RGS7BP: variants seen among roughly 807,000 people sequenced by gnomAD.
The protein encoded by RGS7BP is regulator of G protein signaling 7 binding protein, also known as regulator of G protein signaling 7-binding protein.
A neutral mutation model predicts 31.3 loss-of-function variants in RGS7BP; 9 were observed. The ratio of observed to expected loss-of-function variants is 0.29; its 90% CI spans 0.17 to 0.50. The LOEUF is 0.50. Among genes scored for constraint, RGS7BP ranks in the 20% least tolerant of loss-of-function variants. The probability of loss-of-function intolerance (pLI) is 0.98; values close to 1 mark genes in which losing one functional copy is unlikely to be tolerated. For missense variants in RGS7BP, 274 were observed against 322.0 expected (o/e 0.85, Z 1.14); for synonymous variants, 115 against 120.1 (o/e 0.96, Z 0.28).
intron 5 of RGS7BP, among the ~76,000 whole-genome samples, chr5:64,608,909 G>T (rs147455182): frequency 2.3e-3 from 344 of 152,146 alleles, no homozygotes; most frequent in Non-Finnish European, 3.8e-3. Flanking sequence ...TTTGGTCATA[G>T]CTGGGGATAT....
At chr5:64,520,381 G>T (rs1749076903) in intron 2 of RGS7BP, among the ~76,000 whole-genome samples, 1 of 152,092 alleles carries the variant, frequency 6.6e-6, no homozygotes, top group Non-Finnish European at 1.5e-5. Context: ...GGGTTTTTAA[G>T]GTTTCCTCAG....
intron 3 of RGS7BP, among the ~76,000 whole-genome samples, chr5:64,581,610 G>T (rs965774060): frequency 6.6e-6 from 1 of 152,098 alleles, no homozygotes; most frequent in East Asian, 1.9e-4. Flanking sequence ...GTTTCTTTCT[G>T]GGAAAAACAA....
intron 2 of RGS7BP, among the ~76,000 whole-genome samples, chr5:64,556,387 TAAA>T (rs11306593): frequency 6.2e-5 from 5 of 81,296 alleles, no homozygotes; most frequent in Admixed American, 1.1e-4. Flanking sequence ...TCGTGATAAG[TAAA>T]AAAAAAAAAA....
intron 2 of RGS7BP, among the ~76,000 whole-genome samples, chr5:64,521,027 G>GCTCCC (rs1347386404): frequency 6.6e-6 from 1 of 152,166 alleles, no homozygotes; most frequent in Non-Finnish European, 1.5e-5. Context: ...TCCCACAAAT[G>GCTCCC]GTGTTTAAAA....
chr5:64,546,955 A>T (rs1354232792), intron 2 of RGS7BP, among the ~76,000 whole-genome samples: 4 of 152,156 alleles, frequency 2.6e-5, no homozygotes, highest in Non-Finnish European at 5.9e-5. Context: ...GAGGAATTCA[A>T]CCTCAACCCC....
intron 2 of RGS7BP, among the ~76,000 whole-genome samples, chr5:64,537,502 T>C (rs950651926): frequency 6.6e-6 from 1 of 152,166 alleles, no homozygotes; most frequent in Non-Finnish European, 1.5e-5. Flanking sequence ...CCTGTCTTGG[T>C]AAACTGGGTA....
intron 2 of RGS7BP, among the ~76,000 whole-genome samples, chr5:64,561,523 A>G (rs2111863925): frequency 6.6e-6 from 1 of 152,180 alleles, no homozygotes; most frequent in Admixed American, 6.5e-5. Flanking sequence ...ATTTCCCTCA[A>G]TCTGTAAACT....
At chr5:64,531,415 GA>G (rs201339486) in intron 2 of RGS7BP, among the ~76,000 whole-genome samples, 152 of 151,432 alleles carry the variant, frequency 1.0e-3, no homozygotes, top group Non-Finnish European at 1.6e-3. Context: ...TGCACACTGA[GA>G]AAAAAAAATA....
At chr5:64,542,008 G>A (rs572486844) in intron 2 of RGS7BP, among the ~76,000 whole-genome samples, 6 of 151,850 alleles carry the variant, frequency 4.0e-5, no homozygotes, top group Admixed American at 6.6e-5. Context: ...TCTGAGGTAC[G>A]AATCCGTGTA....
At chr5:64,568,348 G>C (rs1468529401) in intron 2 of RGS7BP, among the ~76,000 whole-genome samples, 4 of 151,992 alleles carry the variant, frequency 2.6e-5, no homozygotes, top group African/African-American at 9.7e-5. Flanking sequence ...CCATAAAGAG[G>C]ACAACATTAA....
At chr5:64,563,918 C>T (rs2111869639) in intron 2 of RGS7BP, among the ~76,000 whole-genome samples, 1 of 152,210 alleles carries the variant, frequency 6.6e-6, no homozygotes, top group East Asian at 1.9e-4. Flanking sequence ...CATTTCTGCA[C>T]TTCTTTTATT....
intron 2 of RGS7BP, among the ~76,000 whole-genome samples, chr5:64,552,187 T>C (rs1741810955): frequency 6.6e-6 from 1 of 152,216 alleles, no homozygotes; most frequent in South Asian, 2.1e-4. Flanking sequence ...TGTGGTCTAA[T>C]GTAAACAGTC....
At chr5:64,525,101 G>A (rs1045564484) in intron 2 of RGS7BP, among the ~76,000 whole-genome samples, 5 of 151,986 alleles carry the variant, frequency 3.3e-5, no homozygotes, top group African/African-American at 4.8e-5. Context: ...CACTCAACCC[G>A]CCATCATCCT....
chr5:64,564,015 A>G (rs968265661), intron 2 of RGS7BP, among the ~76,000 whole-genome samples: 4 of 152,134 alleles, frequency 2.6e-5, no homozygotes, highest in African/African-American at 9.7e-5. Context: ...CATCAGCTTC[A>G]CTGTTGTGTT....
At chr5:64,545,061 A>G (rs1207443311) in intron 2 of RGS7BP, among the ~76,000 whole-genome samples, 1 of 152,104 alleles carries the variant, frequency 6.6e-6, no homozygotes, top group Non-Finnish European at 1.5e-5. Flanking sequence ...CTGTAGTCCC[A>G]GCTACTCAGG....
At chr5:64,536,981 A>G (rs1741392158) in intron 2 of RGS7BP, among the ~76,000 whole-genome samples, 1 of 152,270 alleles carries the variant, frequency 6.6e-6, no homozygotes, top group Non-Finnish European at 1.5e-5. Context: ...CTAGGTGTGC[A>G]TTGCAAGTAT....
At chr5:64,531,824 G>A (rs1368622393) in intron 2 of RGS7BP, among the ~76,000 whole-genome samples, 1 of 152,136 alleles carries the variant, frequency 6.6e-6, no homozygotes, top group Non-Finnish European at 1.5e-5. Flanking sequence ...AAACAACATA[G>A]GGTATTTAGG....
intron 4 of RGS7BP, among the ~76,000 whole-genome samples, chr5:64,597,934 T>C (rs1271836421): frequency 1.3e-5 from 2 of 152,204 alleles, no homozygotes; most frequent in Admixed American, 6.5e-5. Flanking sequence ...TGAATGTACA[T>C]AGCCACTATA....
Position 64,611,156 on chromosome 5 carries a change from T to A in RGS7BP, c.*1904T>A, listed in dbSNP as rs1743492428. 1 of 151,942 alleles carries A rather than the reference T, an allele frequency of 6.6e-6. No individual in the cohort carries two copies. The allele number at this position is 151,942 out of a possible 1,614,324, so 9.4% of individuals were successfully genotyped here. A position where few individuals can be genotyped will look rare whatever the true frequency, so the allele number is the denominator to read the frequency against. On this transcript the variant is annotated 3_prime_UTR_variant, in exon 6 of 6. Coordinates refer to ENST00000334025, the MANE Select transcript of RGS7BP (RefSeq NM_001029875.3). ...GACTTATCTGGTCTGCAAACCTTGA[T>A]TTCAGCTTAATATCCTTTCCTGAAT...
Sources: gnomAD v4.1 joint callset for allele counts (sites outside exome capture counted in the v4.1 genomes callset) on GRCh38, gnomAD v4.1.1 for gene constraint, MANE v1.5 for transcripts, NCBI Gene and HGNC (gene_info 2026-07-23, HGNC 2026-07-21) for gene names.